Variants in ZNF613 observed in about 807,000 individuals in gnomAD.
ZNF613 encodes zinc finger protein 613.
A neutral mutation model predicts 14.3 loss-of-function variants in ZNF613; 8 were observed. The observed-to-expected ratio is 0.56, with a 90% confidence interval of 0.33 to 1.01. ZNF613 has a LOEUF of 1.01. Ranked by LOEUF, ZNF613 falls within the 50% of genes least tolerant of loss-of-function variation. ZNF613 has a pLI of 0.03. For missense variants in ZNF613, 656 were observed against 741.9 expected (o/e 0.88, Z 1.35); for synonymous variants, 228 against 254.5 (o/e 0.90, Z 0.99).
intron 2 of ZNF613, 47 bp from the exon 3 acceptor site, chr19:51,935,981 C>T: frequency 2.4e-6 from 1 of 422,390 alleles, no homozygotes; most frequent in Non-Finnish European, 4.2e-6. Context: ...GCAGTGACAG[C>T]ACCTGGGCCT....
At chr19:51,929,320 G>T (rs1393315744) in intron 1 of ZNF613, among the ~76,000 whole-genome samples, 1 of 152,074 alleles carries the variant, frequency 6.6e-6, no homozygotes, top group African/African-American at 2.4e-5. Flanking sequence ...AGAATTTTAA[G>T]ACTTAAAAAG....
intron 4 of ZNF613, 123 bp from the exon 5 acceptor site, chr19:51,940,494 G>A: frequency 6.7e-7 from 1 of 1,494,508 alleles, no homozygotes; most frequent in East Asian, 2.3e-5. Context: ...CCCTTTAGAG[G>A]GAAAATCCCT....
intron 2 of ZNF613, among the ~76,000 whole-genome samples, chr19:51,932,417 C>T (rs1238960565): frequency 1.4e-5 from 2 of 142,366 alleles, no homozygotes; most frequent in African/African-American, 5.2e-5. Flanking sequence ...TCAAGCAATT[C>T]TCCTGCCTCT....
At chr19:51,940,518 A>G in intron 4 of ZNF613, 99 bp from the exon 5 acceptor site, 1 of 1,479,370 alleles carries the variant, frequency 6.8e-7, no homozygotes, top group Non-Finnish European at 9.2e-7. Context: ...CTTTGCAGAC[A>G]CATAAATTAC....
rs74899228 is a variant in ZNF613 at position 51,943,533 on chromosome 19, C to T, written c.236-586C>T. On this transcript the variant is annotated intron_variant, in intron 5 of 5. Transcript: ENST00000293471. ...TTGTGTTCAAGTAACCTTTGTTTTA[C>T]TTAATAATGCTTCCAAAGCTCAAGA... 2.0e-4 allele frequency among the ~76,000 whole-genome samples: 31 copies of T among 152,322 alleles called. No individual in the cohort carries two copies. The East Asian group carries it at 5.6e-3, about 27-fold the overall frequency.
intron 4 of ZNF613, 103 bp from the exon 5 acceptor site, chr19:51,940,514 A>G: frequency 1.3e-6 from 2 of 1,486,078 alleles, no homozygotes; most frequent in Non-Finnish European, 1.8e-6. Context: ...TTTGCTTTGC[A>G]GACACATAAA....
intron 2 of ZNF613, 41 bp downstream of exon 2, chr19:51,929,937 A>G (rs1000683205): frequency 1.3e-5 from 2 of 152,184 alleles, no homozygotes; most frequent in African/African-American, 4.8e-5. Flanking sequence ...TGAATATTTC[A>G]GTAGGTTTAT....
intron 5 of ZNF613, among the ~76,000 whole-genome samples, chr19:51,942,210 C>T (rs1275894244): frequency 6.6e-6 from 1 of 152,120 alleles, no homozygotes; most frequent in Non-Finnish European, 1.5e-5. Context: ...GCAGTGTGTC[C>T]CTTACTTTCC....
chr19:51,943,733 G>T (rs577927937), intron 5 of ZNF613, among the ~76,000 whole-genome samples: 1 of 152,256 alleles, frequency 6.6e-6, no homozygotes, highest in South Asian at 2.1e-4. Flanking sequence ...GGTGTGGGGG[G>T]TGTCTTGGAA....
intron 4 of ZNF613, 50 bp from the exon 5 acceptor site, chr19:51,940,567 C>T (rs1242692761): frequency 1.9e-6 from 3 of 1,568,922 alleles, no homozygotes; most frequent in Non-Finnish European, 2.6e-6. Context: ...TGTTGATAGA[C>T]CACAGCTCAA....
Position 51,946,301 on chromosome 19 carries a change from C to T in ZNF613, c.*564C>T, listed in dbSNP as rs556575801. The T allele has an allele frequency of 3.9e-5, 6 of 154,180 alleles. No homozygotes were observed. Among genetic ancestry groups the T allele is most frequent in the African/African-American group, 1.4e-4 (6 of 41,524 alleles). 9.6% of individuals were successfully genotyped at this position (154,180 alleles called of 1,614,324 possible). ...AATATACAGGATGTGTATTTTAGGACAATATACCTTGAATCACTAGTTGAT... is the reference window on the plus strand; with the variant it reads ...AATATACAGGATGTGTATTTTAGGATAATATACCTTGAATCACTAGTTGAT... On this transcript the variant is annotated 3_prime_UTR_variant, in exon 6 of 6. Transcript: ENST00000293471.
rs1340118900 is a variant in ZNF613, at chr19:51,945,598, T to G, written c.1715T>G (p.Val572Gly). Residue 572 changes from valine to glycine, a missense_variant, in exon 6 of 6, where the codon GTG becomes GGG. Physicochemically the swap from Val to Gly is moderately radical, Grantham distance 109 (BLOSUM62 -3). Transcript: ENST00000293471. ...CAGGATAAAGACTCTGTTAACATGG[T>G]GACTCTGCAGATGCCTTCTGTGGCA... is the stretch of plus-strand genomic sequence containing the variant. Reference protein sequence around the residue: ...LIQDKDSVNMVTLQMPSVAAQ... With the variant: ...LIQDKDSVNMGTLQMPSVAAQ... 1 of 1,614,060 alleles carries G rather than the reference T, an allele frequency of 6.2e-7. No individual in the cohort carries two copies. Among genetic ancestry groups the G allele is most frequent in the Non-Finnish European group, 8.5e-7 (1 of 1,180,024 alleles).
At chr19:51,928,754 C>CACG (rs2085238332) in intron 1 of ZNF613, among the ~76,000 whole-genome samples, 1 of 150,910 alleles carries the variant, frequency 6.6e-6, no homozygotes, top group Non-Finnish European at 1.5e-5. Flanking sequence ...ACTCGGGAGG[C>CACG]TGAGGTGGGA....
At chr19:51,935,803 T>G (rs1238672485) in intron 2 of ZNF613, among the ~76,000 whole-genome samples, 2 of 152,228 alleles carry the variant, frequency 1.3e-5, no homozygotes, top group African/African-American at 4.8e-5. Flanking sequence ...GTCACCTCAC[T>G]TACATTTCAC....
chr19:51,929,212 T>A (rs764821777), intron 1 of ZNF613, among the ~76,000 whole-genome samples: 1 of 152,214 alleles, frequency 6.6e-6, no homozygotes, highest in African/African-American at 2.4e-5. Flanking sequence ...TGTTTTTGTT[T>A]AAAAATTTTT....
chr19:51,934,291 A>G (rs775305700), intron 2 of ZNF613, among the ~76,000 whole-genome samples: 1 of 152,114 alleles, frequency 6.6e-6, no homozygotes, highest in East Asian at 1.9e-4. Context: ...TTTTTACTCA[A>G]TGAGATTTTC....
chr19:51,940,445 G>C, intron 4 of ZNF613, 110 bp downstream of exon 4: 2 of 1,578,322 alleles, frequency 1.3e-6, no homozygotes, highest in East Asian at 2.2e-5. Flanking sequence ...GGTAGATTCT[G>C]TACCCTCTCT....
chr19:51,945,891 T>A lies in ZNF613; in HGVS notation c.*154T>A. ...TAAGCATATACTCAGAGAAAAATAG[T>A]ATGAAGTGGAGACTGGGAAATTCTT... On this transcript the variant is annotated 3_prime_UTR_variant, in exon 6 of 6. Transcript: ENST00000293471. 1 of 773,510 alleles carries A rather than the reference T, an allele frequency of 1.3e-6. No homozygotes were observed. 47.9% of individuals were successfully genotyped at this position (773,510 alleles called of 1,614,324 possible).
chr19:51,937,725 CTT>C (rs557250619), intron 3 of ZNF613, among the ~76,000 whole-genome samples: 21,928 of 104,188 alleles, frequency 0.21, 1,855 homozygotes, highest in African/African-American at 0.35. Context: ...TGTCTTTTTT[CTT>C]TTTTTTTTTT....
Sources: gnomAD v4.1 joint callset for allele counts (sites outside exome capture counted in the v4.1 genomes callset) on GRCh38, gnomAD v4.1.1 for gene constraint, MANE v1.5 for transcripts, NCBI Gene and HGNC (gene_info 2026-07-23, HGNC 2026-07-21) for gene names.